The following ZNF469 variants were observed in gnomAD, a reference collection of about 807,000 sequenced individuals.
ZNF469 encodes zinc finger protein 469.
Under a neutral mutation model 1.0 loss-of-function variants are expected in ZNF469, and 1 was observed. The observed-to-expected ratio is 1.00, with a 90% CI of 0.35 to 4.73. The LOEUF (loss-of-function observed/expected upper bound fraction) is 4.73, where lower values mean the gene tolerates loss of function less well. Ranked by LOEUF, ZNF469 falls within the 30% of genes most tolerant of loss-of-function variation. The pLI, the probability that ZNF469 is intolerant of heterozygous loss-of-function variation, is 0.16. For synonymous variants in ZNF469, 2,703 were observed against 2,363.4 expected (o/e 1.14, Z -4.17); for missense variants, 6,100 against 5,356.3 (o/e 1.14, Z -4.33).
At chr16:88,255,453 C>T in the ZNF469 span, among the ~76,000 whole-genome samples, 1 of 152,114 alleles carries the variant, frequency 6.6e-6, no homozygotes, top group Non-Finnish European at 1.5e-5. Flanking sequence ...AAGTCTAAAC[C>T]TCTGTTTTAA....
the ZNF469 span, among the ~76,000 whole-genome samples, chr16:88,176,769 G>A: frequency 1.3e-5 from 2 of 152,246 alleles, no homozygotes; most frequent in African/African-American, 4.8e-5. Context: ...AACCCCCAAC[G>A]CCCAGCGCAG....
At chr16:88,108,900 A>G in the ZNF469 span, among the ~76,000 whole-genome samples, 1 of 152,208 alleles carries the variant, frequency 6.6e-6, no homozygotes, top group South Asian at 2.1e-4. Flanking sequence ...TCGGGACTTC[A>G]GATGACTCCA....
the ZNF469 span, among the ~76,000 whole-genome samples, chr16:88,280,521 G>A: frequency 4.4e-3 from 625 of 141,122 alleles, 2 homozygotes; most frequent in Middle Eastern, 0.01. Context: ...GTCCCATGCC[G>A]ATGTCAGCAC....
At chr16:88,251,914 T>A in the ZNF469 span, among the ~76,000 whole-genome samples, 1 of 151,474 alleles carries the variant, frequency 6.6e-6, no homozygotes, top group Non-Finnish European at 1.5e-5. Flanking sequence ...TCCTGGAGAT[T>A]TTCCCTGCAC....
At chr16:88,207,683 G>C in the ZNF469 span, among the ~76,000 whole-genome samples, 2 of 150,340 alleles carry the variant, frequency 1.3e-5, no homozygotes, top group Non-Finnish European at 3.0e-5. Flanking sequence ...GAGTCTCCCC[G>C]GCCCTTCCAG....
At chr16:88,322,363 G>T in the ZNF469 span, among the ~76,000 whole-genome samples, 3 of 152,246 alleles carry the variant, frequency 2.0e-5, no homozygotes, top group East Asian at 1.9e-4. Flanking sequence ...CGGCTGCGAG[G>T]CTGGGAGGCA....
At chr16:88,386,494 C>T (rs996357909) in intron 1 of ZNF469, among the ~76,000 whole-genome samples, 3 of 152,164 alleles carry the variant, frequency 2.0e-5, no homozygotes, top group Non-Finnish European at 2.9e-5. Context: ...ATCCCACCTC[C>T]CATCACTGGT....
At chr16:88,157,190 C>G in the ZNF469 span, among the ~76,000 whole-genome samples, 1 of 151,842 alleles carries the variant, frequency 6.6e-6, no homozygotes, top group African/African-American at 2.4e-5. Context: ...GCTTGTTGCT[C>G]TCTCGGGGCT....
chr16:88,402,494 G>T (rs1187300420), intron 1 of ZNF469, among the ~76,000 whole-genome samples: 3 of 152,070 alleles, frequency 2.0e-5, no homozygotes, highest in Middle Eastern at 3.2e-3. Flanking sequence ...ATGCTACCTG[G>T]GCCAAGTTGT....
At chr16:88,413,099 C>T (rs1905218012) in intron 1 of ZNF469, among the ~76,000 whole-genome samples, 1 of 152,138 alleles carries the variant, frequency 6.6e-6, no homozygotes, top group Non-Finnish European at 1.5e-5. Flanking sequence ...CAAATCTGGG[C>T]CATTATCTCT....
At chr16:88,155,457 C>T in the ZNF469 span, among the ~76,000 whole-genome samples, 1 of 152,230 alleles carries the variant, frequency 6.6e-6, no homozygotes, top group African/African-American at 2.4e-5. Flanking sequence ...CCCCACTGAG[C>T]AGCCACTCCC....
chr16:88,420,329 G>T (rs1191303159), intron 1 of ZNF469, among the ~76,000 whole-genome samples: 1 of 152,238 alleles, frequency 6.6e-6, no homozygotes, highest in African/African-American at 2.4e-5. Flanking sequence ...AGCTGAAAGG[G>T]CTGGGACCGT....
chr16:88,418,317 G>T (rs140972901), intron 1 of ZNF469, among the ~76,000 whole-genome samples: 1 of 152,210 alleles, frequency 6.6e-6, no homozygotes, highest in African/African-American at 2.4e-5. Context: ...GGCCCATCTC[G>T]GTGAGGCCGT....
chr16:88,380,329 A>ACTCACACATGCG (rs149764335), upstream of ZNF469, among the ~76,000 whole-genome samples: 27 of 125,608 alleles, frequency 2.1e-4, no homozygotes, highest in Admixed American at 4.6e-4. Context: ...TCACACATGC[A>ACTCACACATGCG]CTCACACATG....
chr16:88,228,060 C>T, the ZNF469 span, among the ~76,000 whole-genome samples: 1 of 152,252 alleles, frequency 6.6e-6, no homozygotes, highest in South Asian at 2.1e-4. Context: ...GGGACACCCA[C>T]CGTTGCATTT....
chr16:88,101,098 G>T, the ZNF469 span: 1 of 171,170 alleles, frequency 5.8e-6, no homozygotes. Context: ...GTCTGGGGTG[G>T]CTCTGGTGTT....
intron 1 of ZNF469, among the ~76,000 whole-genome samples, chr16:88,404,029 C>T (rs1362381262): frequency 6.6e-6 from 1 of 152,260 alleles, no homozygotes; most frequent in African/African-American, 2.4e-5. Flanking sequence ...CGCCAGGGGG[C>T]CCAAAGCCCC....
chr16:88,197,817 C>T, the ZNF469 span, among the ~76,000 whole-genome samples: 13 of 152,300 alleles, frequency 8.5e-5, no homozygotes, highest in South Asian at 4.1e-4. Flanking sequence ...ATCTGCCATG[C>T]GGGCTTCTCC....
chr16:88,343,073 C>T, the ZNF469 span, among the ~76,000 whole-genome samples: 3 of 152,186 alleles, frequency 2.0e-5, no homozygotes, highest in South Asian at 6.2e-4. Flanking sequence ...CGTCCTGTCT[C>T]ACACCCCTTG....
Sources: gnomAD v4.1 joint callset for allele counts (sites outside exome capture counted in the v4.1 genomes callset) on GRCh38, gnomAD v4.1.1 for gene constraint, MANE v1.5 for transcripts, NCBI Gene and HGNC (gene_info 2026-07-23, HGNC 2026-07-21) for gene names.